The following SSU72 variants were observed in gnomAD, a reference collection of about 807,000 sequenced individuals.
SSU72 encodes the protein SSU72 homolog, RNA polymerase II CTD phosphatase.
SSU72 carries 12 observed loss-of-function variants against 22.7 expected under a neutral mutation model. That is an observed-to-expected ratio of 0.53 (90% confidence interval 0.34 to 0.86). The LOEUF is 0.86. Among genes scored for constraint, SSU72 ranks in the 40% least tolerant of loss-of-function variants. The probability of loss-of-function intolerance (pLI) is 0.02; values close to 1 mark genes in which losing one functional copy is unlikely to be tolerated. For missense variants in SSU72, 151 were observed against 249.8 expected (o/e 0.60, Z 2.67); for synonymous variants, 116 against 98.3 (o/e 1.18, Z -1.06).
Position 1,574,690 on chromosome 1 carries a change from G to A in SSU72, c.-133C>T. On this transcript the variant is annotated 5_prime_UTR_variant, in exon 1 of 5. Coordinates refer to ENST00000291386, the MANE Select transcript of SSU72 (RefSeq NM_014188.3). ...AACGACGGCGCCGGCGGTGTAGCGT[G>A]CGGCGACTGCGCGGCGGCCTCCCCG... The A allele has an allele frequency of 1.2e-6, 1 of 858,314 alleles. No homozygotes were observed. Among genetic ancestry groups the A allele is most frequent in the Non-Finnish European group, 1.6e-6 (1 of 611,114 alleles). The allele number at this position is 858,314 out of a possible 1,614,324, so 53.2% of individuals were successfully genotyped here.
intron 1 of SSU72, among the ~76,000 whole-genome samples, chr1:1,571,409 C>T (rs1296641914): frequency 1.4e-5 from 2 of 140,902 alleles, no homozygotes; most frequent in African/African-American, 2.7e-5. Flanking sequence ...CCAGCCTGGG[C>T]GACAGAGGGA....
At chr1:1,569,122 C>T (rs953730300) in intron 1 of SSU72, among the ~76,000 whole-genome samples, 15 of 151,334 alleles carry the variant, frequency 9.9e-5, no homozygotes, top group African/African-American at 3.7e-4. Context: ...TGCAGTGAGC[C>T]GAGATCTTGC....
chr1:1,566,099 T>TA (rs201655463), intron 1 of SSU72, among the ~76,000 whole-genome samples: 8,166 of 140,050 alleles, frequency 0.058, 303 homozygotes, highest in Admixed American at 0.15. Flanking sequence ...CCGTTTCTAC[T>TA]AAAAAAAAAA....
At position 1,554,627 on chromosome 1, in the gene SSU72, C is replaced by T. The variant is rs1342973162; in HGVS notation, c.225-9625G>A. Among the ~76,000 whole-genome samples, 1 of 152,148 alleles carries T rather than the reference C, an allele frequency of 6.6e-6. No individual in the cohort carries two copies. ...CCATCCCACAGGAGAACCGAGAGGC[C>T]AGGACCACACTACCCTGCTATGAGT... On this transcript the variant is annotated intron_variant, in intron 2 of 4. Coordinates refer to ENST00000291386, the MANE Select transcript of SSU72 (RefSeq NM_014188.3). This position sits in a 1 kb window ranked among gnomAD's most constrained non-coding sequence, Gnocchi z 4.1.
intron 2 of SSU72, among the ~76,000 whole-genome samples, chr1:1,555,677 G>A (rs958481314): frequency 1.3e-5 from 2 of 152,210 alleles, no homozygotes; most frequent in African/African-American, 4.8e-5. Context: ...AAGCTTGCCA[G>A]CTACCACTTC....
At chr1:1,573,677 A>G (rs953550763) in intron 1 of SSU72, among the ~76,000 whole-genome samples, 3 of 152,172 alleles carry the variant, frequency 2.0e-5, no homozygotes, top group Non-Finnish European at 4.4e-5. Flanking sequence ...GTTGCTCAGG[A>G]AAGTTATAGC....
At chr1:1,550,212 A>C (rs989887067) in intron 2 of SSU72, among the ~76,000 whole-genome samples, 3 of 150,994 alleles carry the variant, frequency 2.0e-5, no homozygotes, top group African/African-American at 7.3e-5. Flanking sequence ...ATATATGTAT[A>C]TAAATCATGG....
At chr1:1,570,847 C>G (rs1405610083) in intron 1 of SSU72, among the ~76,000 whole-genome samples, 1 of 152,042 alleles carries the variant, frequency 6.6e-6, no homozygotes, top group Non-Finnish European at 1.5e-5. Context: ...CGTGGTGGCT[C>G]ACGCCTGTAA....
At chr1:1,548,608 A>C (rs1035715662) in intron 2 of SSU72, among the ~76,000 whole-genome samples, 1 of 149,554 alleles carries the variant, frequency 6.7e-6, no homozygotes, top group Non-Finnish European at 1.5e-5. Flanking sequence ...AATTGTCCAG[A>C]GGTGAGATGT....
intron 2 of SSU72, 138 bp from the exon 3 acceptor site, chr1:1,545,140 G>T (rs1642375590): frequency 1.6e-5 from 16 of 1,013,312 alleles, no homozygotes; most frequent in Non-Finnish European, 2.3e-5. Flanking sequence ...AGCGGAGTGG[G>T]CCATGCCCTG....
chr1:1,572,582 G>C lies in SSU72; in HGVS notation c.80+1896C>G, dbSNP rs961048456. 4.0e-5 allele frequency among the ~76,000 whole-genome samples: 6 copies of C among 149,248 alleles called. 1 individual carries two copies. The highest frequency in any genetic ancestry group is 2.1e-4 in the East Asian group (1 of 4,828). On this transcript the variant is annotated intron_variant, in intron 1 of 4. Coordinates refer to ENST00000291386, the MANE Select transcript of SSU72 (RefSeq NM_014188.3). ...TGCCATTCTCCTGCCTCAGCCTCCC[G>C]AGTAACTGGGACTGCAGGCGCCCGC...
intron 2 of SSU72, chr1:1,545,529 G>C: frequency 6.5e-6 from 1 of 154,584 alleles, no homozygotes; most frequent in Non-Finnish European, 1.4e-5. Flanking sequence ...GAAGCTCCAG[G>C]CCGGGCGCAG....
intron 2 of SSU72, among the ~76,000 whole-genome samples, chr1:1,549,784 C>T (rs895552942): frequency 2.0e-5 from 3 of 151,962 alleles, no homozygotes; most frequent in Admixed American, 6.6e-5. Flanking sequence ...ACCATCCTGG[C>T]TAACATGGTG....
intron 2 of SSU72, chr1:1,562,811 T>C (rs553047016): frequency 6.6e-6 from 1 of 152,312 alleles, no homozygotes; most frequent in Non-Finnish European, 1.5e-5. Flanking sequence ...GGACATGGCC[T>C]GACAGCTCCT....
In SSU72 at chr1:1,542,596, G is replaced by A. The variant is rs1570377401; in HGVS notation, c.484-429C>T. Reference sequence around the variant, plus strand: ...CCACCAGAGCCCCTGGCAGAGGGCCGCTGCCCCAGAGTGAGCAGGCCCGGC... The same window carrying A: ...CCACCAGAGCCCCTGGCAGAGGGCCACTGCCCCAGAGTGAGCAGGCCCGGC... On this transcript the variant is annotated intron_variant, in intron 4 of 4. Coordinates refer to ENST00000291386, the MANE Select transcript of SSU72 (RefSeq NM_014188.3). The surrounding 1 kb of genome is among the most constrained non-coding windows in gnomAD (Gnocchi z 4.4). 6.6e-6 allele frequency among the ~76,000 whole-genome samples: 1 copy of A among 152,100 alleles called. No homozygotes were observed. The highest frequency in any genetic ancestry group is 1.5e-5 in the Non-Finnish European group (1 of 68,028).
intron 1 of SSU72, among the ~76,000 whole-genome samples, chr1:1,566,771 T>G (rs1012184765): frequency 6.6e-6 from 1 of 151,930 alleles, no homozygotes; most frequent in Non-Finnish European, 1.5e-5. Context: ...GGAGAATGAC[T>G]TGAATCCGGG....
At chr1:1,569,286 C>A (rs1254615373) in intron 1 of SSU72, among the ~76,000 whole-genome samples, 2 of 152,138 alleles carry the variant, frequency 1.3e-5, no homozygotes, top group Admixed American at 1.3e-4. Flanking sequence ...GAGCACCAAG[C>A]GCAGGAGGCT....
intron 1 of SSU72, among the ~76,000 whole-genome samples, chr1:1,573,081 G>A (rs1368337420): frequency 6.6e-6 from 1 of 150,638 alleles, no homozygotes; most frequent in African/African-American, 2.4e-5. Flanking sequence ...CTGAGGTCAG[G>A]AGTTTGAGAT....
At chr1:1,574,398 C>A (rs1642781033) in intron 1 of SSU72, 80 bp downstream of exon 1, 1 of 1,461,290 alleles carries the variant, frequency 6.8e-7, no homozygotes, top group South Asian at 1.2e-5. Context: ...GGGGTCCTGG[C>A]GCGGGCCAGG....
Sources: allele counts gnomAD v4.1 joint callset (sites outside exome capture counted in the v4.1 genomes callset), GRCh38; gene constraint gnomAD v4.1.1; non-coding constraint Gnocchi (gnomAD v3.1); transcripts MANE v1.5; gene names NCBI Gene and HGNC (gene_info 2026-07-23, HGNC 2026-07-21).